The following IQGAP2 variants were observed in gnomAD, a reference collection of about 807,000 sequenced individuals.
The protein encoded by IQGAP2 is ras GTPase-activating-like protein IQGAP2.
In IQGAP2, 173 loss-of-function variants were observed where a neutral mutation model predicts 201.3. That is an observed-to-expected ratio of 0.86 (90% confidence interval 0.76 to 0.98). The LOEUF is 0.98. IQGAP2 is among the 50% of genes least tolerant of loss of function. The pLI is 0.00. For missense variants in IQGAP2, 1,687 were observed against 1,864.8 expected, an observed-to-expected ratio of 0.90 and a Z score of 1.76; for synonymous variants, 675 against 673.9, an observed-to-expected ratio of 1.00 and a Z score of -0.03.
intron 17 of IQGAP2, among the ~76,000 whole-genome samples, chr5:76,651,651 GA>G (rs1752522934): frequency 6.6e-6 from 1 of 152,130 alleles, no homozygotes; most frequent in South Asian, 2.1e-4. Context: ...ACCATTGGGG[GA>G]AGCTGTGTAA....
intron 1 of IQGAP2, among the ~76,000 whole-genome samples, chr5:76,440,826 G>A (rs1174857409): frequency 2.0e-5 from 3 of 152,088 alleles, no homozygotes; most frequent in Non-Finnish European, 2.9e-5. Flanking sequence ...GAAGTCAGGA[G>A]TTTGAGACCA....
In IQGAP2 at chr5:76,461,649, C is replaced by A. The variant is rs758299465; in HGVS notation, c.126C>A (p.Cys42Ter). 41 of 1,612,896 alleles carry A rather than the reference C, an allele frequency of 2.5e-5. No homozygotes were observed. The highest frequency in any genetic ancestry group is 2.2e-5 in the East Asian group (1 of 44,882). Residue 42 changes from cysteine to a stop codon, truncating the protein, a stop_gained, in exon 2 of 36, where the codon TGC (cysteine) becomes TGA (stop). Coordinates refer to ENST00000274364, the MANE Select transcript of IQGAP2 (RefSeq NM_006633.5). LOFTEE classifies it high-confidence loss of function. ...RRQNIAYEYL[C>*]HLEEAKRWME... is the part of the protein sequence containing the mutation. ...AGAACATTGCTTATGAATATCTGTG[C>A]CACTTAGAGGAAGCCAAAAGGTAAG...
chr5:76,483,626 G>A (rs74846232), intron 2 of IQGAP2, among the ~76,000 whole-genome samples: 1,582 of 152,306 alleles, frequency 0.01, 27 homozygotes, highest in African/African-American at 0.036. Flanking sequence ...AAGGCTGCAG[G>A]TTTTCTCCTG....
At chr5:76,613,777 C>T (rs1394061405) in intron 13 of IQGAP2, among the ~76,000 whole-genome samples, 1 of 152,152 alleles carries the variant, frequency 6.6e-6, no homozygotes, top group Non-Finnish European at 1.5e-5. Context: ...TCACGGAAAC[C>T]TCCACCTCCC....
intron 2 of IQGAP2, among the ~76,000 whole-genome samples, chr5:76,520,155 A>G (rs114758074): frequency 0.014 from 2,082 of 150,638 alleles, 40 homozygotes; most frequent in African/African-American, 0.048. Context: ...TTTTCCCAAG[A>G]GTTTTATGTT....
At chr5:76,644,607 C>A (rs1751881396) in intron 17 of IQGAP2, among the ~76,000 whole-genome samples, 1 of 151,966 alleles carries the variant, frequency 6.6e-6, no homozygotes, top group Non-Finnish European at 1.5e-5. Flanking sequence ...GCCTGTAAAT[C>A]CCATCTGTCT....
chr5:76,523,076 C>CTT (rs35277348), intron 2 of IQGAP2, among the ~76,000 whole-genome samples: 105 of 78,346 alleles, frequency 1.3e-3, no homozygotes, highest in Middle Eastern at 7.4e-3. Context: ...TTTCTTTTGC[C>CTT]TTTTTTTTTT....
chr5:76,459,963 A>T (rs1012719722), intron 1 of IQGAP2, among the ~76,000 whole-genome samples: 1 of 152,130 alleles, frequency 6.6e-6, no homozygotes, highest in African/African-American at 2.4e-5. Context: ...TTTAAAGTCT[A>T]TTCATTATGG....
Position 76,606,199 on chromosome 5 carries a change from C to T in IQGAP2, c.1253C>T (p.Ser418Phe), listed in dbSNP as rs373926073. Residue 418 changes from serine (S) to phenylalanine (F), a missense_variant, in exon 12 of 36, where the codon TCT (serine) becomes TTT (phenylalanine). Coordinates refer to ENST00000274364, the MANE Select transcript of IQGAP2 (RefSeq NM_006633.5). ...YVERYANTLLSVKLEVLSQGQ... is the reference protein window; with the variant it reads ...YVERYANTLLFVKLEVLSQGQ... ...CACAGTTATGCAAACACACTACTCTCTGTTAAACTAGAAGTTTTATCCCAA... is the reference window on the plus strand; with the variant it reads ...CACAGTTATGCAAACACACTACTCTTTGTTAAACTAGAAGTTTTATCCCAA... 2 of 1,604,454 alleles carry T rather than the reference C, an allele frequency of 1.2e-6. No individual in the cohort carries two copies. Among genetic ancestry groups the T allele is most frequent in the South Asian group, 2.2e-5 (2 of 89,040 alleles).
At chr5:76,560,337 T>A (rs77826520) in intron 2 of IQGAP2, among the ~76,000 whole-genome samples, 1 of 137,420 alleles carries the variant, frequency 7.3e-6, no homozygotes, top group Non-Finnish European at 1.5e-5. Context: ...TTTTTTTTTT[T>A]AAGAGAGCCA....
intron 2 of IQGAP2, among the ~76,000 whole-genome samples, chr5:76,552,255 G>A (rs1743611753): frequency 6.6e-6 from 1 of 152,102 alleles, no homozygotes; most frequent in Non-Finnish European, 1.5e-5. Context: ...GTAGAACCCC[G>A]TCTCTATTCC....
intron 4 of IQGAP2, among the ~76,000 whole-genome samples, chr5:76,572,542 A>T (rs1745189263): frequency 1.3e-5 from 2 of 151,894 alleles, no homozygotes; most frequent in South Asian, 4.2e-4. Flanking sequence ...TAACCCCCCG[A>T]GTTATCAAGT....
intron 2 of IQGAP2, among the ~76,000 whole-genome samples, chr5:76,530,225 T>C (rs1465118379): frequency 6.6e-6 from 1 of 152,248 alleles, no homozygotes; most frequent in African/African-American, 2.4e-5. Flanking sequence ...GTTATGCTAT[T>C]CTTTTTTAAA....
chr5:76,575,483 T>C (rs2150281146), intron 4 of IQGAP2, among the ~76,000 whole-genome samples: 1 of 152,304 alleles, frequency 6.6e-6, no homozygotes, highest in East Asian at 1.9e-4. Flanking sequence ...ACCATCCTCC[T>C]GTGGACCACT....
chr5:76,440,146 A>G (rs1333113996), intron 1 of IQGAP2, among the ~76,000 whole-genome samples: 1 of 152,192 alleles, frequency 6.6e-6, no homozygotes, highest in Non-Finnish European at 1.5e-5. Context: ...CTTGGCTGAC[A>G]GTTATTCTGC....
chr5:76,437,958 A>C (rs1033958115), intron 1 of IQGAP2, among the ~76,000 whole-genome samples: 5 of 129,722 alleles, frequency 3.9e-5, no homozygotes, highest in African/African-American at 1.5e-4. Flanking sequence ...GTTTGCTAGT[A>C]TTTTGTTGAA....
At chr5:76,409,934 TG>T (rs1751017687) in intron 1 of IQGAP2, among the ~76,000 whole-genome samples, 1 of 152,198 alleles carries the variant, frequency 6.6e-6, no homozygotes, top group African/African-American at 2.4e-5. Context: ...TCAGTAGCCT[TG>T]GGGTTTTCTC....
chr5:76,668,633 A>G, intron 22 of IQGAP2, 48 bp from the exon 23 acceptor site: 1 of 1,464,670 alleles, frequency 6.8e-7, no homozygotes, highest in Non-Finnish European at 9.4e-7. Flanking sequence ...ATATTAACTT[A>G]TTGTTTTGTG....
In IQGAP2 at chr5:76,622,217, A is replaced by G. The variant is rs551067860; in HGVS notation, c.1522-5193A>G. Among the ~76,000 whole-genome samples, 12 of 151,916 alleles carry G rather than the reference A, an allele frequency of 7.9e-5. No individual in the cohort carries two copies. The South Asian group carries it at 2.3e-3, about 29-fold the overall frequency. On this transcript the variant is annotated intron_variant, in intron 13 of 35. Transcript: ENST00000274364. ...ACCCTATTAGCGTCTTGAAGGAACC[A>G]CCCCCGAAAACCTTGCTTCTTTTGC...
Sources: allele counts gnomAD v4.1 joint callset (sites outside exome capture counted in the v4.1 genomes callset), GRCh38; gene constraint gnomAD v4.1.1; transcripts MANE v1.5; gene names NCBI Gene and HGNC (gene_info 2026-07-23, HGNC 2026-07-21).